ZXDC: variants seen among roughly 807,000 people sequenced by gnomAD.
The protein encoded by ZXDC is zinc finger protein ZXDC.
ZXDC carries 58 observed loss-of-function variants against 63.6 expected under a neutral mutation model. The ratio of observed to expected loss-of-function variants is 0.91; its 90% CI spans 0.74 to 1.13. The LOEUF is 1.13. Among genes scored for constraint, ZXDC ranks in the 50% most tolerant of loss-of-function variants. The pLI is 0.00. For missense variants in ZXDC, 1,133 were observed against 1,148.9 expected (o/e 0.99, Z 0.20); for synonymous variants, 561 against 496.1 (o/e 1.13, Z -1.74).
chr3:126,462,293 T>G (rs1934589394), intron 5 of ZXDC, 73 bp from the exon 6 acceptor site: 6 of 1,501,832 alleles, frequency 4.0e-6, no homozygotes, highest in Non-Finnish European at 5.3e-6. Flanking sequence ...ATGCCCATGA[T>G]GTTACCGAGT....
intron 7 of ZXDC, chr3:126,453,197 TCTAA>T: frequency 1.0e-6 from 1 of 985,420 alleles, no homozygotes; most frequent in African/African-American, 1.7e-5. Flanking sequence ...TTGCAAGTAT[TCTAA>T]CTTATTATCA....
In ZXDC at chr3:126,451,902, G is replaced by A. The variant is rs185343424; in HGVS notation, c.2212+7751C>T. The A allele has an allele frequency of 1.3e-3, 1,234 of 985,336 alleles. 3 individuals carry two copies. The highest frequency in any genetic ancestry group is 1.4e-3 in the Non-Finnish European group (1,177 of 829,852). The allele number at this position is 985,336 out of a possible 1,614,324, so 61.0% of individuals were successfully genotyped here. A position where few individuals can be genotyped will look rare whatever the true frequency, so the allele number is the denominator to read the frequency against. On this transcript the variant is annotated intron_variant, in intron 7 of 9. Transcript: ENST00000389709. ...CCACCTCATAGGGTTTTTGTGAGGCGTGAACAGAGTTACTGCATGTGAAGG... is the reference window on the plus strand; with the variant it reads ...CCACCTCATAGGGTTTTTGTGAGGCATGAACAGAGTTACTGCATGTGAAGG...
intron 1 of ZXDC, 146 bp downstream of exon 1, chr3:126,474,813 G>C: frequency 1.0e-6 from 1 of 995,446 alleles, no homozygotes; most frequent in East Asian, 2.6e-5. Context: ...CAAATCGAAT[G>C]ACATGGAAGG....
In ZXDC at chr3:126,466,264, C is replaced by G; in HGVS notation, c.1332G>C (p.Gln444His). Residue 444 changes from glutamine (Q) to histidine (H), a missense_variant, in exon 5 of 10, where the codon CAG becomes CAC. Physicochemically the swap from Gln to His is conservative, Grantham distance 24. Transcript: ENST00000389709. Reference sequence around the variant, plus strand: ...AACGGCTTTTCGGAGCACCCACATCCTGCACGTGTTTCTTAGAGTGAATGT... The same window carrying G: ...AACGGCTTTTCGGAGCACCCACATCGTGCACGTGTTTCTTAGAGTGAATGT... ...SLYIHSKKHVQDVGAPKSRCP... is the reference protein window; with the variant it reads ...SLYIHSKKHVHDVGAPKSRCP... 1 of 1,614,232 alleles carries G rather than the reference C, an allele frequency of 6.2e-7. No homozygotes were observed. The highest frequency in any genetic ancestry group is 8.5e-7 in the Non-Finnish European group (1 of 1,180,050).
At chr3:126,463,712 G>A (rs1193170426) in intron 5 of ZXDC, among the ~76,000 whole-genome samples, 2 of 152,314 alleles carry the variant, frequency 1.3e-5, no homozygotes, top group East Asian at 1.9e-4. Flanking sequence ...CTGGCCCAGA[G>A]GAAAAGCTGC....
In ZXDC at chr3:126,475,652, C is replaced by T. The variant is rs1935190239; in HGVS notation, c.214G>A (p.Gly72Ser). ...SPPPAEDDSD[G>S]DSFLVLLEVP... Reference sequence around the variant, plus strand: ...TCCAGCAGCACCAAGAAAGAGTCGCCGTCGCTGTCGTCCTCGGCGGGCGGC... The same window carrying T: ...TCCAGCAGCACCAAGAAAGAGTCGCTGTCGCTGTCGTCCTCGGCGGGCGGC... The change falls in exon 1 of 10, where the codon GGC becomes AGC. Residue 72 changes from glycine (G) to serine (S), a missense_variant. Physicochemically the swap from Gly to Ser is moderately conservative, Grantham distance 56. Transcript: ENST00000389709. The T allele has an allele frequency of 8.9e-6, 13 of 1,454,336 alleles. No individual in the cohort carries two copies. Among genetic ancestry groups the T allele is most frequent in the Non-Finnish European group, 1.2e-5 (13 of 1,101,006 alleles). The allele number at this position is 1,454,336 out of a possible 1,614,324, so 90.1% of individuals were successfully genotyped here. A position where few individuals can be genotyped will look rare whatever the true frequency, so the allele number is the denominator to read the frequency against.
chr3:126,454,027 T>C (rs1934212929), intron 7 of ZXDC: 3 of 751,630 alleles, frequency 4.0e-6, no homozygotes, highest in Non-Finnish European at 3.2e-6. Context: ...CTATATATTA[T>C]GTATATATAT....
intron 9 of ZXDC, 45 bp from the exon 10 acceptor site, chr3:126,438,506 G>C: frequency 4.3e-4 from 623 of 1,456,242 alleles, no homozygotes; most frequent in Non-Finnish European, 5.4e-4. Context: ...GGGAGGGGAG[G>C]CAGAGGGATC....
intron 7 of ZXDC, among the ~76,000 whole-genome samples, chr3:126,449,757 AG>A (rs1173807478): frequency 3.9e-5 from 6 of 152,212 alleles, no homozygotes; most frequent in Admixed American, 3.9e-4. Context: ...ACGGCAACAT[AG>A]GGACGACCGA....
At chr3:126,468,606 G>A (rs551417207) in intron 4 of ZXDC, among the ~76,000 whole-genome samples, 3 of 152,046 alleles carry the variant, frequency 2.0e-5, no homozygotes, top group Non-Finnish European at 4.4e-5. Context: ...TATCCTCCAC[G>A]GCCAACTCCC....
Position 126,475,103 on chromosome 3 carries a change from G to A in ZXDC, c.763C>T (p.Leu255Phe). 1 of 1,610,682 alleles carries A rather than the reference G, an allele frequency of 6.2e-7. No homozygotes were observed. Among genetic ancestry groups the A allele is most frequent in the Non-Finnish European group, 8.5e-7 (1 of 1,178,470 alleles). ...TCGTGGCCCTTCATGTGCGCCTTGA[G>A]GTTATAGACCGTAGTGAACTTCTTG... ...CGKKFTTVYN[L>F]KAHMKGHEQE... The change falls in exon 1 of 10, where the codon CTC (leucine) becomes TTC (phenylalanine). Residue 255 changes from leucine to phenylalanine, a missense_variant. Transcript: ENST00000389709.
At chr3:126,454,821 A>G in intron 7 of ZXDC, 1 of 985,458 alleles carries the variant, frequency 1.0e-6, no homozygotes, top group Non-Finnish European at 1.2e-6. Context: ...AAAACTTGAC[A>G]TTTTTACACT....
intron 8 of ZXDC, chr3:126,441,133 T>TGCAGGTGTGCTCAGGGCTGCTGAA: frequency 2.0e-6 from 2 of 985,732 alleles, no homozygotes; most frequent in Non-Finnish European, 2.4e-6. Context: ...AGACTGAAGA[T>TGCAGGTGTGCTCAGGGCTGCTGAA]GCAGGTGTGC....
intron 1 of ZXDC, among the ~76,000 whole-genome samples, chr3:126,474,021 C>G (rs1444630925): frequency 6.6e-6 from 1 of 151,256 alleles, no homozygotes; most frequent in Non-Finnish European, 1.5e-5. Context: ...ACATTCCCAA[C>G]AACTGCAGGT....
intron 5 of ZXDC, 54 bp from the exon 6 acceptor site, chr3:126,462,274 C>T: frequency 6.6e-7 from 1 of 1,524,292 alleles, no homozygotes; most frequent in Non-Finnish European, 8.7e-7. Context: ...AGACTGAGTA[C>T]TTTTGTTTAT....
rs745480476 is a variant in ZXDC at position 126,438,347 on chromosome 3, C to T, written c.*28G>A. The T allele has an allele frequency of 1.5e-5, 24 of 1,597,350 alleles. No individual in the cohort carries two copies. Among genetic ancestry groups the T allele is most frequent in the Non-Finnish European group, 1.9e-5 (22 of 1,170,844 alleles). ...GGGAAGGTGTGTCCTAGACCGTGGC[C>T]TTGGGCCTGCCCAGGCCGAGGCTGC... is the stretch of plus-strand genomic sequence containing the variant. On this transcript the variant is annotated 3_prime_UTR_variant, in exon 10 of 10. Coordinates refer to ENST00000389709, the MANE Select transcript of ZXDC (RefSeq NM_025112.5).
At chr3:126,457,455 G>A in intron 7 of ZXDC, 1 of 985,424 alleles carries the variant, frequency 1.0e-6, no homozygotes, top group South Asian at 4.7e-5. Flanking sequence ...GGCTTTTCAA[G>A]GATGTGGGTG....
At chr3:126,440,295 CG>C in intron 8 of ZXDC, 1 of 988,746 alleles carries the variant, frequency 1.0e-6, no homozygotes, top group Non-Finnish European at 1.2e-6. Context: ...ATTCACACCC[CG>C]AAGCGGAGCT....
chr3:126,462,772 G>A (rs909268904), intron 5 of ZXDC, among the ~76,000 whole-genome samples: 10 of 152,152 alleles, frequency 6.6e-5, no homozygotes, highest in Admixed American at 3.3e-4. Context: ...CCCCAAAACC[G>A]ACTGGAGCCA....
Sources: gnomAD v4.1 joint callset for allele counts (sites outside exome capture counted in the v4.1 genomes callset) on GRCh38, gnomAD v4.1.1 for gene constraint, MANE v1.5 for transcripts, NCBI Gene and HGNC (gene_info 2026-07-23, HGNC 2026-07-21) for gene names.